ERAL1: variants seen among roughly 807,000 people sequenced by gnomAD.
ERAL1 encodes the protein GTPase Era, mitochondrial.
In ERAL1, 36 loss-of-function variants were observed where a neutral mutation model predicts 53.6. The observed-to-expected ratio is 0.67, with a 90% CI of 0.51 to 0.89. The LOEUF is 0.89. ERAL1 is among the 40% of genes least tolerant of loss of function. The pLI, the probability that ERAL1 is intolerant of heterozygous loss-of-function variation, is 0.00. For synonymous variants in ERAL1, 215 were observed against 211.8 expected, an observed-to-expected ratio of 1.02 and a Z score of -0.13; for missense variants, 512 against 537.5, an observed-to-expected ratio of 0.95 and a Z score of 0.47.
rs928364703 is a variant in ERAL1 at position 28,859,066 on chromosome 17, A to G, written c.1063A>G (p.Lys355Glu). Residue 355 changes from lysine (K) to glutamate (E), a missense_variant, in exon 8 of 10, where the codon AAG (lysine) becomes GAG (glutamate). Coordinates refer to ENST00000254928, the MANE Select transcript of ERAL1 (RefSeq NM_005702.4). ...EEICANIIREKLLEHLPQEVP... is the reference protein window; with the variant it reads ...EEICANIIREELLEHLPQEVP... Reference sequence around the variant, plus strand: ...GATCTGTGCCAACATTATCCGAGAGAAGCTCCTAGAACACCTGCCCCAGGA... The same window carrying G: ...GATCTGTGCCAACATTATCCGAGAGGAGCTCCTAGAACACCTGCCCCAGGA... 6.2e-7 allele frequency: 1 copy of G among 1,614,142 alleles called. No homozygotes were observed. The highest frequency in any genetic ancestry group is 8.5e-7 in the Non-Finnish European group (1 of 1,180,022).
chr17:28,855,149 T>C lies in ERAL1; in HGVS notation c.115T>C (p.Phe39Leu). Reference sequence around the variant, plus strand: ...GATCCCTTTTTCCTCACTCTTAGGCTTCCAACGGAGGTGCGTGTCCTGCGT... The same window carrying C: ...GATCCCTTTTTCCTCACTCTTAGGCCTCCAACGGAGGTGCGTGTCCTGCGT... The part of the protein sequence containing the change: ...RVIPFSSLLG[F>L]QRRCVSCVAG... Residue 39 changes from phenylalanine (F) to leucine (L), a missense_variant, in exon 1 of 10, where the codon TTC (phenylalanine) becomes CTC (leucine). By Grantham distance (22) the Phe-to-Leu change is conservative (BLOSUM62 0). Coordinates refer to ENST00000254928, the MANE Select transcript of ERAL1 (RefSeq NM_005702.4). 1 of 1,614,250 alleles carries C rather than the reference T, an allele frequency of 6.2e-7. No individual in the cohort carries two copies. Among genetic ancestry groups the C allele is most frequent in the Non-Finnish European group, 8.5e-7 (1 of 1,180,046 alleles).
Position 28,859,219 on chromosome 17 carries a change from A to C in ERAL1, c.1127A>C (p.Glu376Ala), listed in dbSNP as rs1567920300. 2.5e-6 allele frequency: 4 copies of C among 1,614,142 alleles called. No homozygotes were observed. The highest frequency in any genetic ancestry group is 2.2e-5 in the East Asian group (1 of 44,872). The stretch of plus-strand genomic sequence containing the variant: ...CCTGTACAGAAGACAGCAGTGTGGG[A>C]GGAAGGACCAGGTGGGGAGCTGGTT... ...YNVQQKTAVW[E>A]EGPGGELVIQ... The change falls in exon 9 of 10, where the codon GAG becomes GCG. Residue 376 changes from glutamate to alanine, a missense_variant. Glu to Ala is a moderately radical substitution (Grantham distance 107). Transcript: ENST00000254928.
Position 28,856,598 on chromosome 17 carries a change from G to T in ERAL1, c.489+16G>T, listed in dbSNP as rs781280721. 1 of 1,613,148 alleles carries T rather than the reference G, an allele frequency of 6.2e-7. No homozygotes were observed. The highest frequency in any genetic ancestry group is 8.5e-7 in the Non-Finnish European group (1 of 1,179,222). ...GACCCAGGTGGTGGGTACCTACAAA[G>T]GGAGTCCTTGAAACAGGACAGAGGG... On this transcript the variant is annotated intron_variant, in intron 3 of 9. Coordinates refer to ENST00000254928, the MANE Select transcript of ERAL1 (RefSeq NM_005702.4).
At chr17:28,856,227 T>G (rs376619357) in intron 1 of ERAL1, 37 bp from the exon 2 acceptor site, 5 of 1,610,954 alleles carry the variant, frequency 3.1e-6, no homozygotes, top group Admixed American at 3.3e-5. Context: ...AAATCCAGAT[T>G]CCACTGTGTC....
At position 28,860,586 on chromosome 17, in the gene ERAL1, G is replaced by T. The variant is rs574088145; in HGVS notation, c.*33G>T. The T allele has an allele frequency of 4.5e-6, 7 of 1,560,012 alleles. No homozygotes were observed. Among genetic ancestry groups the T allele is most frequent in the Non-Finnish European group, 6.0e-6 (7 of 1,157,742 alleles). On this transcript the variant is annotated 3_prime_UTR_variant, in exon 10 of 10. Transcript: ENST00000254928. Reference sequence around the variant, plus strand: ...CTACTGACCCTCCCAGGGCATTCCAGCTCAAGCTGCTGGCAGGAACTGACC... The same window carrying T: ...CTACTGACCCTCCCAGGGCATTCCATCTCAAGCTGCTGGCAGGAACTGACC...
chr17:28,857,513 G>GGT (rs2039258537), intron 3 of ERAL1, among the ~76,000 whole-genome samples: 2 of 151,886 alleles, frequency 1.3e-5, no homozygotes, highest in Non-Finnish European at 2.9e-5. Flanking sequence ...GGTCAGCCTG[G>GGT]GCGCAGTGGC....
rs191594272 is a variant in ERAL1 at position 28,855,751 on chromosome 17, C to T, written c.283+434C>T. On this transcript the variant is annotated intron_variant, in intron 1 of 9. Coordinates refer to ENST00000254928, the MANE Select transcript of ERAL1 (RefSeq NM_005702.4). ...AGATAATATAAAAAGACTGGGCCCT[C>T]TCCCTTCTTGACCCTTAGCCCTTCC... 5.3e-5 allele frequency among the ~76,000 whole-genome samples: 8 copies of T among 151,216 alleles called. No homozygotes were observed. In the East Asian group the frequency reaches 1.6e-3, roughly 29 times the overall value.
Position 28,856,573 on chromosome 17 carries a change from G to A in ERAL1, c.480G>A (p.Glu160=). Residue 160 remains glutamate, a synonymous_variant, in exon 3 of 10, where the codon GAG becomes GAA. Coordinates refer to ENST00000254928, the MANE Select transcript of ERAL1 (RefSeq NM_005702.4). ...CTCTGGGGGTCATCACAGAGAAGGA[G>A]ACCCAGGTGGTGGGTACCTACAAAG... ...CQALGVITEK[E]TQVILLDTPG... The A allele has an allele frequency of 6.2e-7, 1 of 1,614,048 alleles. No homozygotes were observed. The highest frequency in any genetic ancestry group is 8.5e-7 in the Non-Finnish European group (1 of 1,179,964).
In ERAL1 at chr17:28,860,535, T is replaced by C. The variant is rs760143684; in HGVS notation, c.1296T>C (p.Ser432=). ...IFLCDVDIRL[S]VKLLK ...TCTGCGATGTTGACATCCGCCTCTC[T>C]GTGAAGCTCCTCAAGTGACCACCCT... Residue 432 remains serine (S), a synonymous_variant, in exon 10 of 10, where the codon TCT becomes TCC. Coordinates refer to ENST00000254928, the MANE Select transcript of ERAL1 (RefSeq NM_005702.4). 1 of 1,602,402 alleles carries C rather than the reference T, an allele frequency of 6.2e-7. No homozygotes were observed. The highest frequency in any genetic ancestry group is 2.3e-5 in the East Asian group (1 of 43,784).
chr17:28,856,691 G>C, intron 3 of ERAL1, 109 bp downstream of exon 3: 1 of 945,632 alleles, frequency 1.1e-6, no homozygotes, highest in Non-Finnish European at 1.7e-6. Context: ...TTTATGTGAG[G>C]AAAGGGGGTT....
At chr17:28,858,938 C>T (rs780707242) in intron 7 of ERAL1, 26 bp from the exon 8 acceptor site, 9 of 1,613,286 alleles carry the variant, frequency 5.6e-6, no homozygotes, top group Non-Finnish European at 7.6e-6. Context: ...GATTAAGATG[C>T]CCATCTATTC....
chr17:28,857,746 T>A (rs1020407878), intron 3 of ERAL1, among the ~76,000 whole-genome samples, 193 bp from the exon 4 acceptor site: 2 of 152,040 alleles, frequency 1.3e-5, no homozygotes, highest in Non-Finnish European at 2.9e-5. Context: ...GAGCTGAGAT[T>A]GTGCCACTGC....
rs759124850 is a variant in ERAL1, at chr17:28,858,639, G to T, written c.775G>T (p.Val259Phe). Reference sequence around the variant, plus strand: ...CACGGCAGCCCTCACTGAAGGTGTGGTCAATGGCAAAAAGCTCAAGATGAG... The same window carrying T: ...CACGGCAGCCCTCACTGAAGGTGTGTTCAATGGCAAAAAGCTCAAGATGAG... ...ELTAALTEGV[V>F]NGKKLKMRQA... The change falls in exon 7 of 10, where the codon GTC (valine) becomes TTC (phenylalanine). Residue 259 changes from valine to phenylalanine, a missense_variant. Transcript: ENST00000254928. The T allele has an allele frequency of 1.2e-6, 2 of 1,614,032 alleles. No individual in the cohort carries two copies. Among genetic ancestry groups the T allele is most frequent in the East Asian group, 4.5e-5 (2 of 44,902 alleles).
rs2039264525 is a variant in ERAL1, at chr17:28,858,177, C to T, written c.568C>T (p.Pro190Ser). The stretch of plus-strand genomic sequence containing the variant: ...CCTGGAGCTCTCTTTGTTGGAAGAT[C>T]CATGGAAGAGCATGGAATCTGCTGA... ...HHLELSLLEDPWKSMESADLV... is the reference protein window; with the variant it reads ...HHLELSLLEDSWKSMESADLV... The change falls in exon 5 of 10, where the codon CCA (proline) becomes TCA (serine). Residue 190 changes from proline to serine, a missense_variant. Coordinates refer to ENST00000254928, the MANE Select transcript of ERAL1 (RefSeq NM_005702.4). 3 of 1,613,954 alleles carry T rather than the reference C, an allele frequency of 1.9e-6. No individual in the cohort carries two copies. The Admixed American group carries it at 5.0e-5, about 27-fold the overall frequency.
chr17:28,858,457 C>T lies in ERAL1; in HGVS notation c.682C>T (p.Gln228Ter), dbSNP rs772013370. The change falls in exon 6 of 10, where the codon CAG becomes TAG. Residue 228 changes from glutamine (Q) to a stop codon, truncating the protein, a stop_gained. Transcript: ENST00000254928. LOFTEE classifies it high-confidence loss of function. ...QLLRCLTKYS[Q>*]IPSVLVMNKV... ...GCTCAGGTGCTTGACCAAGTACTCC[C>T]AGATCCCTAGTGTCCTGGTCATGAA... The T allele has an allele frequency of 6.2e-7, 1 of 1,614,134 alleles. No homozygotes were observed. The highest frequency in any genetic ancestry group is 8.5e-7 in the Non-Finnish European group (1 of 1,180,004).
chr17:28,857,565 G>A (rs557048968), intron 3 of ERAL1, among the ~76,000 whole-genome samples: 69 of 151,766 alleles, frequency 4.5e-4, no homozygotes, highest in Admixed American at 5.9e-4. Flanking sequence ...CAAAGCAGGC[G>A]GATCACTTGA....
At chr17:28,856,173 C>A in intron 1 of ERAL1, 91 bp from the exon 2 acceptor site, 1 of 1,524,224 alleles carries the variant, frequency 6.6e-7, no homozygotes, top group Non-Finnish European at 9.0e-7. Flanking sequence ...TAATTTTGTA[C>A]CCCTGCTCCC....
intron 5 of ERAL1, 70 bp downstream of exon 5, chr17:28,858,277 G>T (rs574422679): frequency 1.1e-5 from 17 of 1,608,876 alleles, no homozygotes; most frequent in Admixed American, 3.3e-5. Flanking sequence ...TGGTAGTTTG[G>T]GGGGCAAAAG....
intron 3 of ERAL1, 60 bp downstream of exon 3, chr17:28,856,642 C>T (rs771740313): frequency 1.4e-6 from 2 of 1,448,066 alleles, no homozygotes; most frequent in South Asian, 2.3e-5. Flanking sequence ...AGAGGGTCTC[C>T]CTTACCATCA....
Sources: gnomAD v4.1 joint callset for allele counts (sites outside exome capture counted in the v4.1 genomes callset) on GRCh38, gnomAD v4.1.1 for gene constraint, MANE v1.5 for transcripts, NCBI Gene and HGNC (gene_info 2026-07-23, HGNC 2026-07-21) for gene names.